The following UNKL variants were observed in gnomAD, a reference collection of about 807,000 sequenced individuals.
UNKL encodes the protein putative E3 ubiquitin-protein ligase UNKL.
UNKL carries 60 observed loss-of-function variants against 78.0 expected under a neutral mutation model. The ratio of observed to expected loss-of-function variants is 0.77; its 90% CI spans 0.63 to 0.95. UNKL has a LOEUF of 0.95. Ranked by LOEUF, UNKL falls within the 40% of genes least tolerant of loss-of-function variation. The probability of loss-of-function intolerance (pLI) is 0.00; values close to 1 mark genes in which losing one functional copy is unlikely to be tolerated. For synonymous variants in UNKL, 608 were observed against 474.8 expected (o/e 1.28, Z -3.65); for missense variants, 1,159 against 1,045.7 (o/e 1.11, Z -1.49).
rs1475016535 is a variant in UNKL at position 1,397,193 on chromosome 16, C to T, written c.837G>A (p.Gln279=). 2.6e-5 allele frequency: 40 copies of T among 1,547,328 alleles called. No homozygotes were observed. In the East Asian group the frequency reaches 9.8e-4, roughly 38 times the overall value. ...GCQYCHSRTE[Q]QFHPEIYKST... ...AGGGACGTACCTCGGGATGGAACTG[C>T]TGCTCCGTGCGGGAGTGGCAATACT... The change falls in exon 6 of 15, where the codon CAG becomes CAA. Residue 279 remains glutamine (Q), a synonymous_variant. Transcript: ENST00000389221.
Position 1,390,657 on chromosome 16 carries a change from C to G in UNKL, c.1061G>C (p.Arg354Thr), listed in dbSNP as rs1296386521. ...CTGCTTGCTGTCTTGCTCGCTGCCC[C>G]TAGGGCCACCCTCGGCCGGCGAGTC... The part of the protein sequence containing the change: ...RRDSPAEGGP[R>T]GSEQDSKQNH... Residue 354 changes from arginine (R) to threonine (T), a missense_variant, in exon 9 of 15, where the codon AGG becomes ACG. Arg to Thr is a moderately conservative substitution (Grantham distance 71). Coordinates refer to ENST00000389221, the MANE Select transcript of UNKL (RefSeq NM_001372107.1). 8 of 1,536,050 alleles carry G rather than the reference C, an allele frequency of 5.2e-6. 2 individuals are homozygous for G. The South Asian group carries it at 9.5e-5, about 18-fold the overall frequency.
chr16:1,369,940 A>C (rs778855720), intron 12 of UNKL, 190 bp downstream of exon 12: 1 of 1,548,098 alleles, frequency 6.5e-7, no homozygotes, highest in Non-Finnish European at 8.7e-7. Flanking sequence ...GTACCATTGC[A>C]GTCCAACCTG....
intron 10 of UNKL, among the ~76,000 whole-genome samples, chr16:1,376,577 G>C (rs2036241998): frequency 6.6e-6 from 1 of 152,150 alleles, no homozygotes. Context: ...CCGAGTGTCT[G>C]TCCAAGTTTC....
At chr16:1,376,955 C>T (rs1364558855) in intron 10 of UNKL, among the ~76,000 whole-genome samples, 1 of 152,104 alleles carries the variant, frequency 6.6e-6, no homozygotes, top group Non-Finnish European at 1.5e-5. Context: ...AGAGGACCTG[C>T]TGTGTTTCCC....
chr16:1,392,848 C>T (rs1197412678), intron 8 of UNKL, 43 bp downstream of exon 8: 1 of 1,547,150 alleles, frequency 6.5e-7, no homozygotes, highest in Non-Finnish European at 8.7e-7. Context: ...TTCAATTAAA[C>T]CAAAGGACAC....
At chr16:1,388,129 C>T (rs770198578) in intron 9 of UNKL, among the ~76,000 whole-genome samples, 3 of 152,170 alleles carry the variant, frequency 2.0e-5, no homozygotes, top group African/African-American at 4.8e-5. Context: ...ACCAAGAAGC[C>T]GTGGACGACG....
intron 2 of UNKL, among the ~76,000 whole-genome samples, chr16:1,413,184 G>A (rs2038118743): frequency 6.9e-6 from 1 of 144,990 alleles, no homozygotes; most frequent in South Asian, 2.2e-4. Context: ...GTTGGTGGCT[G>A]CAGTGAGCCG....
At chr16:1,398,680 CA>C in intron 5 of UNKL, 8 of 1,234,404 alleles carry the variant, frequency 6.5e-6, no homozygotes, top group Non-Finnish European at 8.1e-6. Context: ...GTGGGGTCTG[CA>C]CCCCCCCACC....
chr16:1,376,995 T>C (rs1319230026), intron 10 of UNKL, among the ~76,000 whole-genome samples: 2 of 151,970 alleles, frequency 1.3e-5, no homozygotes, highest in Admixed American at 6.6e-5. Flanking sequence ...GTGCGACGCC[T>C]GGGGTTCAGG....
At chr16:1,366,554 G>C (rs1324785196) in intron 14 of UNKL, among the ~76,000 whole-genome samples, 159 bp from the exon 15 acceptor site, 1 of 151,834 alleles carries the variant, frequency 6.6e-6, no homozygotes, top group South Asian at 2.1e-4. Flanking sequence ...GGCCACCTCA[G>C]GGAGAAGGCA....
chr16:1,398,683 C>CT, intron 5 of UNKL: 1 of 696,588 alleles, frequency 1.4e-6, no homozygotes, highest in South Asian at 4.3e-5. Context: ...GGGTCTGCAC[C>CT]CCCCCACCCC....
rs866103801 is a variant in UNKL, at chr16:1,403,312, G to A, written c.320C>T (p.Thr107Ile). 2 of 1,614,206 alleles carry A rather than the reference G, an allele frequency of 1.2e-6. No homozygotes were observed. Among genetic ancestry groups the A allele is most frequent in the Non-Finnish European group, 1.7e-6 (2 of 1,180,030 alleles). ...GTAACGCAGGTGGTACTTGCGTTCT[G>A]TGTCCCCCGTCGTCCGGTGCAGGTA... ...CPYLHRTTGD[T>I]ERKYHLRYYK... The change falls in exon 3 of 15, where the codon ACA becomes ATA. Residue 107 changes from threonine to isoleucine, a missense_variant. Thr to Ile is a moderately conservative substitution (Grantham distance 89, BLOSUM62 -1). Coordinates refer to ENST00000389221, the MANE Select transcript of UNKL (RefSeq NM_001372107.1). This position sits in a 1 kb window ranked among gnomAD's most constrained non-coding sequence, Gnocchi z 4.8.
rs528726613 is a variant in UNKL at position 1,387,910 on chromosome 16, G to C, written c.1087-2525C>G. On this transcript the variant is annotated intron_variant, in intron 9 of 14. Coordinates refer to ENST00000389221, the MANE Select transcript of UNKL (RefSeq NM_001372107.1). This position sits in a 1 kb window ranked among gnomAD's most constrained non-coding sequence, Gnocchi z 4.1. Reference sequence around the variant, plus strand: ...ACACAAGCTGCCCCTGCTCAGTCAGGCTGAGGTTCCCCATGTCCTGACCCA... The same window carrying C: ...ACACAAGCTGCCCCTGCTCAGTCAGCCTGAGGTTCCCCATGTCCTGACCCA... Among the ~76,000 whole-genome samples, 1 of 152,118 alleles carries C rather than the reference G, an allele frequency of 6.6e-6. No individual in the cohort carries two copies. The highest frequency in any genetic ancestry group is 1.9e-4 in the East Asian group (1 of 5,150).
chr16:1,376,571 G>A (rs1185757891), intron 10 of UNKL, among the ~76,000 whole-genome samples: 3 of 152,152 alleles, frequency 2.0e-5, no homozygotes, highest in East Asian at 3.8e-4. Flanking sequence ...CCTCTTCCGA[G>A]TGTCTGTCCA....
intron 5 of UNKL, among the ~76,000 whole-genome samples, chr16:1,397,583 C>A (rs2037332801): frequency 4.4e-4 from 1 of 2,284 alleles, no homozygotes; most frequent in Non-Finnish European, 1.2e-3. Context: ...GTCAGGGGGA[C>A]ACAGAGGACT....
intron 10 of UNKL, chr16:1,383,728 G>A (rs866228956): frequency 2.5e-6 from 1 of 400,724 alleles, no homozygotes; most frequent in Middle Eastern, 3.5e-4. Context: ...TGCGGGTCTG[G>A]CCGCCGGGCC....
chr16:1,384,226 G>A (rs1310755458), intron 10 of UNKL, among the ~76,000 whole-genome samples: 3 of 147,006 alleles, frequency 2.0e-5, no homozygotes, highest in Non-Finnish European at 3.0e-5. Context: ...CCAACACGGT[G>A]GGTGTCCCCC....
chr16:1,403,106 C>T lies in UNKL; in HGVS notation c.464+62G>A, dbSNP rs993189865. ...AGGCGAGCCACTTGCCGAGTTCCTG[C>T]TCATCCAGCAGAGCCCACAGCAGCA... is the stretch of plus-strand genomic sequence containing the variant. On this transcript the variant is annotated intron_variant, in intron 3 of 14. Coordinates refer to ENST00000389221, the MANE Select transcript of UNKL (RefSeq NM_001372107.1). The surrounding 1 kb of genome is among the most constrained non-coding windows in gnomAD (Gnocchi z 4.8). 3.9e-6 allele frequency: 6 copies of T among 1,531,230 alleles called. No individual in the cohort carries two copies. The highest frequency in any genetic ancestry group is 3.7e-5 in the South Asian group (3 of 82,010). The allele number at this position is 1,531,230 out of a possible 1,614,324, so 94.9% of individuals were successfully genotyped here.
At chr16:1,379,770 C>A (rs1465145870) in intron 10 of UNKL, 14 of 859,526 alleles carry the variant, frequency 1.6e-5, no homozygotes, top group African/African-American at 5.6e-5. Context: ...ACGCCCCCCG[C>A]GCTGCCCTCC....
Sources: gnomAD v4.1 joint callset for allele counts (sites outside exome capture counted in the v4.1 genomes callset) on GRCh38, gnomAD v4.1.1 for gene constraint, Gnocchi (gnomAD v3.1) non-coding constraint, MANE v1.5 for transcripts, NCBI Gene and HGNC (gene_info 2026-07-23, HGNC 2026-07-21) for gene names.